Variants in SLC2A9 observed in about 807,000 individuals in gnomAD.
SLC2A9 encodes solute carrier family 2 member 9.
Under a neutral mutation model 50.6 loss-of-function variants are expected in SLC2A9, and 39 were observed. That is an observed-to-expected ratio of 0.77 (90% confidence interval 0.60 to 1.01). The LOEUF (loss-of-function observed/expected upper bound fraction) is 1.01, where lower values mean the gene tolerates loss of function less well. Among genes scored for constraint, SLC2A9 ranks in the 50% least tolerant of loss-of-function variants. SLC2A9 has a pLI of 0.00. For missense variants in SLC2A9, 686 were observed against 677.6 expected, an observed-to-expected ratio of 1.01 and a Z score of -0.14; for synonymous variants, 324 against 276.9, an observed-to-expected ratio of 1.17 and a Z score of -1.69.
chr4:9,806,209 C>T (rs1231060076), intron 3 of SLC2A9, among the ~76,000 whole-genome samples: 1 of 152,220 alleles, frequency 6.6e-6, no homozygotes, highest in Non-Finnish European at 1.5e-5. Flanking sequence ...GTGACATGCT[C>T]GTGATGGCCT....
chr4:9,782,290 C>G (rs1718535376), intron 3 of SLC2A9: 1 of 1,614,016 alleles, frequency 6.2e-7, no homozygotes, highest in East Asian at 2.2e-5. Flanking sequence ...CCGTGTCAGA[C>G]CTTTTCGTGG....
intron 2 of SLC2A9, among the ~76,000 whole-genome samples, chr4:10,014,555 A>T (rs542171831): frequency 1.3e-5 from 2 of 151,740 alleles, no homozygotes; most frequent in South Asian, 4.2e-4. Context: ...TCTCCACCCC[A>T]CTGGACCCCA....
intron 10 of SLC2A9, among the ~76,000 whole-genome samples, chr4:9,858,622 T>C (rs1462915412): frequency 6.6e-6 from 1 of 152,060 alleles, no homozygotes; most frequent in Non-Finnish European, 1.5e-5. Context: ...TCTGAGAGTG[T>C]CCCCGGCAAA....
intron 10 of SLC2A9, among the ~76,000 whole-genome samples, chr4:9,845,423 A>ATTTTTTTTTTTT (rs1183351674): frequency 3.1e-5 from 4 of 130,794 alleles, no homozygotes; most frequent in African/African-American, 9.5e-5. Context: ...ACGATCATCA[A>ATTTTTTTTTTTT]TTTCTTTTTT....
At chr4:9,996,655 G>T in intron 3 of SLC2A9, 126 bp downstream of exon 3, 1 of 1,168,384 alleles carries the variant, frequency 8.6e-7, no homozygotes, top group Non-Finnish European at 1.2e-6. Context: ...TTTCCCCTTT[G>T]GGCATTTGAA....
At chr4:9,996,746 A>T in intron 3 of SLC2A9, 35 bp downstream of exon 3, 1 of 1,610,038 alleles carries the variant, frequency 6.2e-7, no homozygotes, top group Non-Finnish European at 8.5e-7. Flanking sequence ...ATGAACATGG[A>T]GGGCACCCCC....
At chr4:9,836,062 T>C (rs1488257949) in intron 10 of SLC2A9, among the ~76,000 whole-genome samples, 1 of 110,650 alleles carries the variant, frequency 9.0e-6, no homozygotes, top group East Asian at 2.7e-4. Flanking sequence ...CACACCAGCC[T>C]GGGCAACAAG....
intron 5 of SLC2A9, among the ~76,000 whole-genome samples, chr4:9,961,149 T>C (rs1053199970): frequency 3.3e-5 from 5 of 152,186 alleles, no homozygotes; most frequent in African/African-American, 1.2e-4. Flanking sequence ...TTTAACTTCC[T>C]AACTCCCAAG....
upstream of SLC2A9, among the ~76,000 whole-genome samples, chr4:10,026,431 G>T (rs1206813423): frequency 6.6e-6 from 1 of 152,116 alleles, no homozygotes; most frequent in Non-Finnish European, 1.5e-5. Flanking sequence ...AATGTGAAAT[G>T]GTTTAGCTAC....
At chr4:9,990,659 A>G (rs1757540535) in intron 3 of SLC2A9, among the ~76,000 whole-genome samples, 1 of 152,158 alleles carries the variant, frequency 6.6e-6, no homozygotes, top group Admixed American at 6.5e-5. Context: ...AAAACAAACC[A>G]GTGATGCAGG....
intron 6 of SLC2A9, among the ~76,000 whole-genome samples, chr4:9,925,857 G>C (rs1435357120): frequency 6.6e-6 from 1 of 152,108 alleles, no homozygotes; most frequent in Non-Finnish European, 1.5e-5. Flanking sequence ...GCATCAGCAG[G>C]GGGGCCAGTA....
At chr4:9,966,883 T>G (rs1263316230) in intron 5 of SLC2A9, among the ~76,000 whole-genome samples, 1 of 152,244 alleles carries the variant, frequency 6.6e-6, no homozygotes, top group South Asian at 2.1e-4. Context: ...ATTAAAATCA[T>G]ACATAGAAAT....
chr4:9,959,253 G>C (rs528278494), intron 5 of SLC2A9, among the ~76,000 whole-genome samples: 1 of 151,388 alleles, frequency 6.6e-6, no homozygotes, highest in Non-Finnish European at 1.5e-5. Context: ...TTAGCCAGGC[G>C]TGGTGGCGGG....
At chr4:9,927,395 C>T (rs1415662508) in intron 6 of SLC2A9, among the ~76,000 whole-genome samples, 1 of 152,330 alleles carries the variant, frequency 6.6e-6, no homozygotes, top group Non-Finnish European at 1.5e-5. Context: ...CTTTTATCAC[C>T]TCCTGCTAGA....
At chr4:9,773,888 G>A (rs1233132500) in intron 1 of SLC2A9, among the ~76,000 whole-genome samples, 1 of 152,096 alleles carries the variant, frequency 6.6e-6, no homozygotes, top group Non-Finnish European at 1.5e-5. Context: ...GGGAAAGACT[G>A]AAGGCTGTGG....
intron 1 of SLC2A9, among the ~76,000 whole-genome samples, chr4:10,033,800 T>C (rs573313248): frequency 2.6e-5 from 4 of 152,210 alleles, no homozygotes; most frequent in Non-Finnish European, 5.9e-5. Flanking sequence ...TCGTGGGTTG[T>C]CATCCCGGTG....
chr4:9,944,620 C>A (rs2108795231), intron 5 of SLC2A9, among the ~76,000 whole-genome samples: 1 of 152,272 alleles, frequency 6.6e-6, no homozygotes, highest in East Asian at 1.9e-4. Flanking sequence ...ATGGCAGTGG[C>A]CACTCTGCAC....
chr4:9,786,149 A>G (rs1577275217), intron 3 of SLC2A9, among the ~76,000 whole-genome samples: 1 of 152,196 alleles, frequency 6.6e-6, no homozygotes, highest in African/African-American at 2.4e-5. Flanking sequence ...CAGCAATTGC[A>G]GCAGGCATGA....
chr4:9,906,437 C>T (rs533057718), intron 8 of SLC2A9, among the ~76,000 whole-genome samples: 24 of 152,242 alleles, frequency 1.6e-4, no homozygotes, highest in African/African-American at 5.5e-4. Flanking sequence ...ATATGATACA[C>T]TTCAACAAAA....
Sources: gnomAD v4.1 joint callset for allele counts (sites outside exome capture counted in the v4.1 genomes callset) on GRCh38, gnomAD v4.1.1 for gene constraint, MANE v1.5 for transcripts, NCBI Gene and HGNC (gene_info 2026-07-23, HGNC 2026-07-21) for gene names.